RNF216: variants seen among roughly 807,000 people sequenced by gnomAD.
RNF216 encodes the protein E3 ubiquitin-protein ligase RNF216.
RNF216 carries 72 observed loss-of-function variants against 110.8 expected under a neutral mutation model. The ratio of observed to expected loss-of-function variants is 0.65; its 90% CI spans 0.54 to 0.79. The LOEUF (loss-of-function observed/expected upper bound fraction) is 0.79. Among genes scored for constraint, RNF216 ranks in the 30% least tolerant of loss-of-function variants. RNF216 has a pLI of 0.00. For synonymous variants in RNF216, 495 were observed against 407.5 expected, an observed-to-expected ratio of 1.21 and a Z score of -2.59; for missense variants, 1,342 against 1,141.2, an observed-to-expected ratio of 1.18 and a Z score of -2.54.
intron 1 of RNF216, among the ~76,000 whole-genome samples, chr7:5,763,517 G>C (rs560901345): frequency 1.4e-4 from 22 of 152,022 alleles, no homozygotes; most frequent in Admixed American, 1.2e-3. Context: ...GTAATCCCAG[G>C]TACTTGGAAG....
chr7:5,777,366 A>C (rs10276704), intron 1 of RNF216: 116,376 of 152,184 alleles, frequency 0.76, 44,833 homozygotes, highest in Middle Eastern at 0.86. Context: ...CTCAGATTTT[A>C]TTTTCTAGCC....
At chr7:5,642,032 T>TAAAAA (rs1201078083) in intron 14 of RNF216, among the ~76,000 whole-genome samples, 35 of 98,402 alleles carry the variant, frequency 3.6e-4, no homozygotes, top group East Asian at 9.7e-4. Flanking sequence ...GACTCTATCT[T>TAAAAA]AAAAAAAAAA....
intron 2 of RNF216, among the ~76,000 whole-genome samples, chr7:5,754,948 A>C (rs1639261040): frequency 6.6e-6 from 1 of 151,900 alleles, no homozygotes; most frequent in African/African-American, 2.4e-5. Context: ...GAATCGCTTT[A>C]ACCTGGGAGA....
At chr7:5,725,841 CA>C (rs756914396) in intron 7 of RNF216, among the ~76,000 whole-genome samples, 10,765 of 77,258 alleles carry the variant, frequency 0.14, 556 homozygotes, top group African/African-American at 0.31. Context: ...CCAGCCTGGG[CA>C]AAAAAAAAAA....
intron 13 of RNF216, among the ~76,000 whole-genome samples, chr7:5,687,063 G>C (rs1791030643): frequency 1.3e-5 from 2 of 152,198 alleles, no homozygotes; most frequent in Admixed American, 6.5e-5. Context: ...ACAGTCAAGT[G>C]AATGTTATAG....
chr7:5,715,412 T>G (rs1312515002), intron 10 of RNF216, among the ~76,000 whole-genome samples: 1 of 151,940 alleles, frequency 6.6e-6, no homozygotes, highest in Non-Finnish European at 1.5e-5. Context: ...GGTTTTCGTG[T>G]TTTTTTTCTG....
intron 3 of RNF216, among the ~76,000 whole-genome samples, chr7:5,746,740 T>G (rs1458770552): frequency 6.6e-6 from 1 of 152,184 alleles, no homozygotes; most frequent in Admixed American, 6.6e-5. Flanking sequence ...TGTATAAAAC[T>G]TCTGGCTCCA....
chr7:5,700,148 C>T (rs1250420477), intron 13 of RNF216, among the ~76,000 whole-genome samples: 1 of 152,128 alleles, frequency 6.6e-6, no homozygotes, highest in Non-Finnish European at 1.5e-5. Flanking sequence ...ACCATAGCAA[C>T]AATTTCTCTT....
chr7:5,755,428 A>G (rs531387681), intron 2 of RNF216, among the ~76,000 whole-genome samples: 3 of 152,352 alleles, frequency 2.0e-5, no homozygotes, highest in Non-Finnish European at 4.4e-5. Context: ...GAATTAATAC[A>G]AAGGGCCATC....
chr7:5,712,426 T>C (rs1584494463), intron 12 of RNF216, among the ~76,000 whole-genome samples: 1 of 151,564 alleles, frequency 6.6e-6, no homozygotes, highest in African/African-American at 2.4e-5. Flanking sequence ...TGAGCCAAGA[T>C]TGCACCACTG....
chr7:5,637,522 C>T (rs1787466673), intron 15 of RNF216, among the ~76,000 whole-genome samples: 1 of 152,208 alleles, frequency 6.6e-6, no homozygotes, highest in East Asian at 1.9e-4. Context: ...CTTTTCAAAA[C>T]CATGAGTAGC....
chr7:5,742,205 T>C (rs897758724), intron 3 of RNF216, among the ~76,000 whole-genome samples: 3 of 152,066 alleles, frequency 2.0e-5, no homozygotes, highest in Non-Finnish European at 4.4e-5. Flanking sequence ...TGCCAACATG[T>C]CCAGCTAATT....
chr7:5,764,647 CAA>C (rs5882067), intron 1 of RNF216, among the ~76,000 whole-genome samples: 73 of 132,812 alleles, frequency 5.5e-4, no homozygotes, highest in Admixed American at 5.1e-4. Flanking sequence ...GACACCGTCT[CAA>C]AAAAAAAAAA....
intron 1 of RNF216, among the ~76,000 whole-genome samples, chr7:5,779,712 C>A (rs1796973003): frequency 6.7e-6 from 1 of 150,026 alleles, no homozygotes; most frequent in African/African-American, 2.5e-5. Flanking sequence ...GCCTGTAATT[C>A]CAGCTACTCG....
chr7:5,690,674 AG>A (rs3837094), intron 13 of RNF216, among the ~76,000 whole-genome samples: 31,915 of 152,066 alleles, frequency 0.21, 3,838 homozygotes, highest in Admixed American at 0.36. Flanking sequence ...AAGAGCAAAC[AG>A]AAGTCCACAA....
At chr7:5,701,832 G>C (rs184485277) in intron 13 of RNF216, among the ~76,000 whole-genome samples, 2 of 152,166 alleles carry the variant, frequency 1.3e-5, no homozygotes, top group Non-Finnish European at 2.9e-5. Context: ...GGCTTCAAAA[G>C]AACTGTTGAA....
chr7:5,736,911 C>A (rs1246603481), intron 5 of RNF216, among the ~76,000 whole-genome samples: 2 of 151,518 alleles, frequency 1.3e-5, no homozygotes, highest in African/African-American at 4.9e-5. Flanking sequence ...AAGTGAGGAG[C>A]CCCTCCGCCC....
At chr7:5,765,086 T>C (rs984820610) in intron 1 of RNF216, among the ~76,000 whole-genome samples, 1 of 123,218 alleles carries the variant, frequency 8.1e-6, no homozygotes, top group South Asian at 2.5e-4. Context: ...AAAAAAAAAG[T>C]AAGGATGGGA....
In RNF216 at chr7:5,729,494, T is replaced by C; in HGVS notation, c.1327A>G (p.Ser443Gly). Reference sequence around the variant, plus strand: ...AGGGCCCACTTGATGTCCTGACTACTGAGCACTTTGAAGTCGGCCATGAGG... The same window carrying C: ...AGGGCCCACTTGATGTCCTGACTACCGAGCACTTTGAAGTCGGCCATGAGG... ...DLLMADFKVL[S>G]SQDIKWALHE... The change falls in exon 7 of 17, where the codon AGT becomes GGT. Residue 443 changes from serine (S) to glycine (G), a missense_variant. Transcript: ENST00000389902. 6.2e-7 allele frequency: 1 copy of C among 1,614,192 alleles called. No homozygotes were observed.
Sources: allele counts gnomAD v4.1 joint callset (sites outside exome capture counted in the v4.1 genomes callset), GRCh38; gene constraint gnomAD v4.1.1; transcripts MANE v1.5; gene names NCBI Gene and HGNC (gene_info 2026-07-23, HGNC 2026-07-21).